Variants in ASB5 observed in about 807,000 individuals in gnomAD.
The protein encoded by ASB5 is ankyrin repeat and SOCS box containing 5.
ASB5 carries 45 observed loss-of-function variants against 42.1 expected under a neutral mutation model. The ratio of observed to expected loss-of-function variants is 1.07; its 90% CI spans 0.84 to 1.37. The LOEUF (loss-of-function observed/expected upper bound fraction) is 1.37, where lower values mean the gene tolerates loss of function less well. Ranked by LOEUF, ASB5 falls within the 40% of genes most tolerant of loss-of-function variation. The probability of loss-of-function intolerance (pLI) is 0.00; values close to 1 mark genes in which losing one functional copy is unlikely to be tolerated. For synonymous variants in ASB5, 147 were observed against 150.6 expected (o/e 0.98, Z 0.18); for missense variants, 402 against 399.8 (o/e 1.01, Z -0.05).
chr4:176,260,739 G>A (rs764145711), intron 1 of ASB5, among the ~76,000 whole-genome samples: 9 of 152,084 alleles, frequency 5.9e-5, no homozygotes, highest in Non-Finnish European at 1.2e-4. Context: ...GTTCAGTGGC[G>A]CAATCTCGGC....
At chr4:176,236,584 G>T (rs1172862717) in intron 1 of ASB5, among the ~76,000 whole-genome samples, 1 of 152,166 alleles carries the variant, frequency 6.6e-6, no homozygotes, top group Non-Finnish European at 1.5e-5. Flanking sequence ...TAGCCTATTT[G>T]AAAATATGCT....
intron 1 of ASB5, among the ~76,000 whole-genome samples, chr4:176,227,583 C>T (rs1050641168): frequency 6.6e-6 from 1 of 152,190 alleles, no homozygotes; most frequent in African/African-American, 2.4e-5. Flanking sequence ...CATAAATTTA[C>T]TTGTTTTATC....
upstream of ASB5, among the ~76,000 whole-genome samples, chr4:176,270,994 G>T (rs978590806): frequency 1.3e-5 from 2 of 152,066 alleles, no homozygotes; most frequent in African/African-American, 4.8e-5. Context: ...AATTGTCTTC[G>T]CATGAGCTAA....
At chr4:176,224,534 TA>T (rs759451109) in intron 2 of ASB5, among the ~76,000 whole-genome samples, 1 of 106,176 alleles carries the variant, frequency 9.4e-6, no homozygotes, top group African/African-American at 3.5e-5. Context: ...TGTGCCCAGC[TA>T]TTTTTTTTTT....
At position 176,269,117 on chromosome 4, in the gene ASB5, A is replaced by G. The variant is rs758824864; in HGVS notation, c.-9T>C. 6.2e-7 allele frequency: 1 copy of G among 1,608,140 alleles called. No homozygotes were observed. The highest frequency in any genetic ancestry group is 8.5e-7 in the Non-Finnish European group (1 of 1,176,212). ...TCTTCTAACACCGACATTGCTGCAGAAGAATCTGCGGCGGTCTTTAGTTGG... is the reference window on the plus strand; with the variant it reads ...TCTTCTAACACCGACATTGCTGCAGGAGAATCTGCGGCGGTCTTTAGTTGG... On this transcript the variant is annotated 5_prime_UTR_variant, in exon 1 of 7. Transcript: ENST00000296525.
At chr4:176,229,347 AC>A (rs1374524540) in intron 1 of ASB5, among the ~76,000 whole-genome samples, 16 of 152,252 alleles carry the variant, frequency 1.1e-4, no homozygotes, top group Admixed American at 4.6e-4. Flanking sequence ...TACCATGATG[AC>A]CTTTAAGGGG....
chr4:176,228,831 G>A lies in ASB5; in HGVS notation c.197-3490C>T, dbSNP rs183040262. On this transcript the variant is annotated intron_variant, in intron 1 of 6. Transcript: ENST00000296525. The stretch of plus-strand genomic sequence containing the variant: ...TTGGGGAAAGCATTTTGCCAGTTCC[G>A]GCTTCTAAGATGAAATCTGATGCTT... Among the ~76,000 whole-genome samples, 16 of 152,126 alleles carry A rather than the reference G, an allele frequency of 1.1e-4. No individual in the cohort carries two copies. In the East Asian group the frequency reaches 2.7e-3, roughly 26 times the overall value.
chr4:176,225,259 T>A lies in ASB5; in HGVS notation c.276+3A>T, dbSNP rs1177259813. On this transcript the variant is annotated splice_donor_region_variant and intron_variant, in intron 2 of 6. Transcript: ENST00000296525. ...ATATTTTAAACTATATGTAATATATTACCTGTGATAATAATGTTCTCAGAG... is the reference window on the plus strand; with the variant it reads ...ATATTTTAAACTATATGTAATATATAACCTGTGATAATAATGTTCTCAGAG... 1 of 1,607,568 alleles carries A rather than the reference T, an allele frequency of 6.2e-7. No individual in the cohort carries two copies. The highest frequency in any genetic ancestry group is 2.2e-5 in the East Asian group (1 of 44,822).
rs1381959264 is a variant in ASB5 at position 176,259,002 on chromosome 4, G to C, written c.196+9911C>G. Among the ~76,000 whole-genome samples, 3 of 152,010 alleles carry C rather than the reference G, an allele frequency of 2.0e-5. No homozygotes were observed. In the South Asian group the frequency reaches 6.2e-4, roughly 32 times the overall value. ...CTCCAGCCAGAGCCAGTCTTGTTTT[G>C]TTGGTTTATTTGAGTAATGGTAAGT... On this transcript the variant is annotated intron_variant, in intron 1 of 6. Coordinates refer to ENST00000296525, the MANE Select transcript of ASB5 (RefSeq NM_080874.4).
At chr4:176,236,998 G>A (rs1378725323) in intron 1 of ASB5, among the ~76,000 whole-genome samples, 1 of 152,078 alleles carries the variant, frequency 6.6e-6, no homozygotes, top group African/African-American at 2.4e-5. Flanking sequence ...CTGCTTAATA[G>A]CATCTTTCCT....
At chr4:176,274,205 C>T (rs1037571829), upstream of ASB5, among the ~76,000 whole-genome samples, 9 of 152,314 alleles carry the variant, frequency 5.9e-5, no homozygotes, top group East Asian at 1.3e-3. Flanking sequence ...AAGGCAGCAT[C>T]ACGGTACCTT....
At chr4:176,218,947 G>T (rs1753079242) in intron 5 of ASB5, among the ~76,000 whole-genome samples, 1 of 15,654 alleles carries the variant, frequency 6.4e-5, no homozygotes, top group Non-Finnish European at 1.2e-4. Flanking sequence ...ATATATGTAT[G>T]ATATATAAAT....
At position 176,221,576 on chromosome 4, in the gene ASB5, C is replaced by T. The variant is rs746952957; in HGVS notation, c.409G>A (p.Val137Met). ...GAGCATGCGTTGAATAACGGAGTCA[C>T]GCCATCTATCGTGATTGCATTTACC... The part of the protein sequence containing the change: ...ANVNAITIDG[V>M]TPLFNACSQG... The change falls in exon 4 of 7, where the codon GTG (valine) becomes ATG (methionine). Residue 137 changes from valine (V) to methionine (M), a missense_variant. Coordinates refer to ENST00000296525, the MANE Select transcript of ASB5 (RefSeq NM_080874.4). The T allele has an allele frequency of 7.4e-6, 12 of 1,612,710 alleles. No homozygotes were observed. The highest frequency in any genetic ancestry group is 3.3e-5 in the Admixed American group (2 of 59,788).
At chr4:176,245,546 G>A (rs1001558923) in intron 1 of ASB5, among the ~76,000 whole-genome samples, 7 of 152,066 alleles carry the variant, frequency 4.6e-5, no homozygotes, top group Non-Finnish European at 1.0e-4. Context: ...CTCATTACTG[G>A]GTATATACCC....
chr4:176,264,042 A>C (rs1241457980), intron 1 of ASB5, among the ~76,000 whole-genome samples: 3 of 41,098 alleles, frequency 7.3e-5, no homozygotes, highest in Non-Finnish European at 1.8e-4. Flanking sequence ...CAGACTTGAC[A>C]AAAAAAAAAA....
intron 5 of ASB5, among the ~76,000 whole-genome samples, chr4:176,219,180 T>C (rs1753092643): frequency 8.2e-6 from 1 of 121,852 alleles, no homozygotes; most frequent in Non-Finnish European, 1.6e-5. Context: ...TATATATTTG[T>C]ATGACATATA....
At chr4:176,267,933 G>A (rs937110297) in intron 1 of ASB5, among the ~76,000 whole-genome samples, 5 of 152,068 alleles carry the variant, frequency 3.3e-5, no homozygotes, top group Non-Finnish European at 7.4e-5. Context: ...TAGGAACATG[G>A]ATTTTAAGAA....
At chr4:176,248,443 T>C (rs73871947) in intron 1 of ASB5, among the ~76,000 whole-genome samples, 4 of 152,172 alleles carry the variant, frequency 2.6e-5, no homozygotes, top group African/African-American at 9.6e-5. Flanking sequence ...ATATTAAGAG[T>C]ACTGACAATA....
chr4:176,229,499 TGA>T (rs369185516), intron 1 of ASB5, among the ~76,000 whole-genome samples: 3 of 151,118 alleles, frequency 2.0e-5, no homozygotes, highest in African/African-American at 4.8e-5. Context: ...TTGCTAGGGT[TGA>T]GAGAGAGAGA....
Sources: allele counts gnomAD v4.1 joint callset (sites outside exome capture counted in the v4.1 genomes callset), GRCh38; gene constraint gnomAD v4.1.1; transcripts MANE v1.5; gene names NCBI Gene and HGNC (gene_info 2026-07-23, HGNC 2026-07-21).